The following RTL9 variants were observed in gnomAD, a reference collection of about 807,000 sequenced individuals.
RTL9 encodes the protein retrotransposon Gag like 9.
A neutral mutation model predicts 44.7 loss-of-function variants in RTL9; 19 were observed. The observed-to-expected ratio is 0.42, with a 90% CI of 0.30 to 0.62. The LOEUF (loss-of-function observed/expected upper bound fraction) is 0.62. RTL9 is among the 20% of genes least tolerant of loss of function. RTL9 has a pLI of 0.16. For missense variants in RTL9, 1,105 were observed against 1,080.6 expected, an observed-to-expected ratio of 1.02 and a Z score of -0.32; for synonymous variants, 407 against 398.9, an observed-to-expected ratio of 1.02 and a Z score of -0.24.
chrX:110,374,784 G>A lies in RTL9; in HGVS notation c.-168+15868G>A, dbSNP rs780450831. Among the ~76,000 whole-genome samples the A allele has an allele frequency of 2.7e-5, 3 of 110,510 alleles. No homozygotes were observed. The South Asian group carries it at 1.2e-3, about 43-fold the overall frequency. On this transcript the variant is annotated intron_variant, in intron 1 of 2. Transcript: ENST00000520821. ...GATAAGGTGCATGAATAGACCATAG[G>A]ATAGGAAATGAGCTTGGGGTGGATA...
At chrX:110,362,094 T>C (rs1227433763) in intron 1 of RTL9, among the ~76,000 whole-genome samples, 1 of 111,916 alleles carries the variant, frequency 8.9e-6, no homozygotes, top group Non-Finnish European at 1.9e-5. Context: ...ATGATTTATT[T>C]TACTGAATGA....
At chrX:110,390,206 C>T (rs945370742) in intron 1 of RTL9, among the ~76,000 whole-genome samples, 19 of 111,441 alleles carry the variant, frequency 1.7e-4, no homozygotes, top group Admixed American at 7.6e-4. Context: ...TACTGAATTC[C>T]TACAAGGTAC....
chrX:110,393,688 C>T (rs2068510062), intron 1 of RTL9, among the ~76,000 whole-genome samples: 1 of 112,116 alleles, frequency 8.9e-6, no homozygotes, highest in East Asian at 2.8e-4. Context: ...ACAGCAGGTC[C>T]TTGAATAACA....
At chrX:110,388,163 C>T (rs778763199) in intron 1 of RTL9, among the ~76,000 whole-genome samples, 61 of 111,845 alleles carry the variant, frequency 5.5e-4, no homozygotes, top group Non-Finnish European at 1.0e-3. Flanking sequence ...CACCGCCCAG[C>T]CTGATCATTA....
chrX:110,428,121 A>G (rs1486247929), intron 1 of RTL9, among the ~76,000 whole-genome samples: 1 of 112,129 alleles, frequency 8.9e-6, no homozygotes, highest in Admixed American at 9.4e-5. Flanking sequence ...CACACAGTAG[A>G]TGTTCCATGA....
chrX:110,451,802 T>C, exon 1 of RTL9: 8 of 1,211,691 alleles, frequency 6.6e-6, no homozygotes, highest in Non-Finnish European at 8.9e-6. Context: ...CAACAGCCTC[T>C]GGGGTGATGT....
intron 1 of RTL9, among the ~76,000 whole-genome samples, chrX:110,395,966 G>A (rs1171942513): frequency 9.0e-6 from 1 of 111,668 alleles, no homozygotes; most frequent in Non-Finnish European, 1.9e-5. Context: ...ACAAAACTCT[G>A]CCCTTTCAAG....
At chrX:110,412,190 G>A (rs888768316) in intron 1 of RTL9, among the ~76,000 whole-genome samples, 2 of 112,366 alleles carry the variant, frequency 1.8e-5, no homozygotes, top group Admixed American at 9.4e-5. Context: ...GTGAGAATCT[G>A]GTGAAACAGC....
chrX:110,455,465 C>T, exon 2 of RTL9: 1 of 694,758 alleles, frequency 1.4e-6, no homozygotes, highest in East Asian at 3.4e-5. Flanking sequence ...CACCTTACCT[C>T]TCACTTGGCT....
intron 1 of RTL9, among the ~76,000 whole-genome samples, chrX:110,421,618 G>A (rs1035720913): frequency 6.2e-5 from 7 of 112,894 alleles, no homozygotes; most frequent in African/African-American, 2.3e-4. Context: ...AAGGCAATGA[G>A]TAACATTGAT....
chrX:110,380,495 C>G (rs905654410), intron 1 of RTL9, among the ~76,000 whole-genome samples: 1 of 112,091 alleles, frequency 8.9e-6, no homozygotes, highest in African/African-American at 3.2e-5. Context: ...TTAGAAGAAT[C>G]AATATTGTTA....
intron 1 of RTL9, among the ~76,000 whole-genome samples, chrX:110,426,393 A>G (rs2068754501): frequency 8.9e-6 from 1 of 111,823 alleles, no homozygotes; most frequent in Admixed American, 9.5e-5. Context: ...GATTGCTGGT[A>G]GTCTGCTTGC....
intron 1 of RTL9, among the ~76,000 whole-genome samples, chrX:110,394,603 T>A (rs2068516864): frequency 8.9e-6 from 1 of 112,768 alleles, no homozygotes; most frequent in Non-Finnish European, 1.9e-5. Flanking sequence ...TAAAGTCCAG[T>A]TCCCAAGAAC....
chrX:110,385,932 T>A (rs1272992574), intron 1 of RTL9, among the ~76,000 whole-genome samples: 1 of 112,241 alleles, frequency 8.9e-6, no homozygotes, highest in African/African-American at 3.2e-5. Context: ...TTTTTAAGGT[T>A]CATCCATGTT....
intron 1 of RTL9, among the ~76,000 whole-genome samples, chrX:110,389,146 G>A (rs987476050): frequency 8.9e-6 from 1 of 112,266 alleles, no homozygotes; most frequent in Non-Finnish European, 1.9e-5. Flanking sequence ...GATTCTTTAC[G>A]GCTTCTAAGA....
chrX:110,411,898 C>A (rs1327148619), intron 1 of RTL9, among the ~76,000 whole-genome samples: 1 of 112,232 alleles, frequency 8.9e-6, no homozygotes, highest in Non-Finnish European at 1.9e-5. Context: ...TAGACTGGTG[C>A]CTGGCATACA....
At chrX:110,387,430 G>A (rs2068463237) in intron 1 of RTL9, among the ~76,000 whole-genome samples, 1 of 112,200 alleles carries the variant, frequency 8.9e-6, no homozygotes, top group Non-Finnish European at 1.9e-5. Context: ...CAGAAGACCT[G>A]GCTACCCTGC....
chrX:110,403,466 A>G (rs2068578171), intron 1 of RTL9, among the ~76,000 whole-genome samples: 1 of 111,268 alleles, frequency 9.0e-6, no homozygotes, highest in African/African-American at 3.3e-5. Flanking sequence ...ACACACACAC[A>G]CGCATGCGCG....
chrX:110,410,864 G>A (rs902538829), intron 1 of RTL9, among the ~76,000 whole-genome samples: 2 of 112,343 alleles, frequency 1.8e-5, no homozygotes, highest in African/African-American at 6.5e-5. Context: ...ATTCAAGGCA[G>A]CCTCCTTGAA....
Sources: gnomAD v4.1 joint callset for allele counts (sites outside exome capture counted in the v4.1 genomes callset) on GRCh38, gnomAD v4.1.1 for gene constraint, MANE v1.5 for transcripts, NCBI Gene and HGNC (gene_info 2026-07-23, HGNC 2026-07-21) for gene names.